The following ATP2B2 variants were observed in gnomAD, a reference collection of about 807,000 sequenced individuals.
The protein encoded by ATP2B2 is ATPase plasma membrane Ca2+ transporting 2.
A neutral mutation model predicts 120.0 loss-of-function variants in ATP2B2; 15 were observed. The observed-to-expected ratio is 0.12, with a 90% confidence interval of 0.08 to 0.19. The LOEUF is 0.19. Ranked by LOEUF, ATP2B2 falls within the 10% of genes least tolerant of loss-of-function variation. The probability of loss-of-function intolerance (pLI) is 1.00; values close to 1 mark genes in which losing one functional copy is unlikely to be tolerated. For synonymous variants in ATP2B2, 694 were observed against 700.3 expected (o/e 0.99, Z 0.14); for missense variants, 1,045 against 1,719.8 (o/e 0.61, Z 6.94).
chr3:10,578,186 G>A (rs924269597), intron 2 of ATP2B2, among the ~76,000 whole-genome samples: 1 of 152,172 alleles, frequency 6.6e-6, no homozygotes, highest in Non-Finnish European at 1.5e-5. Context: ...GAAACATGGA[G>A]CAACAGAGGC....
chr3:10,611,569 G>C (rs191877139), intron 2 of ATP2B2, among the ~76,000 whole-genome samples: 3 of 152,258 alleles, frequency 2.0e-5, no homozygotes, highest in Non-Finnish European at 2.9e-5. Flanking sequence ...GTGCTTGGGG[G>C]GCACTGGGTC....
Position 10,419,265 on chromosome 3 carries a change from GGACA to G in ATP2B2, c.200-8454_200-8451del, listed in dbSNP as rs550585282. On this transcript the variant is annotated intron_variant, in intron 2 of 22. Coordinates refer to ENST00000360273, the MANE Select transcript of ATP2B2 (RefSeq NM_001001331.4). ...CTGTAAGAGCCACTTAATGGACTTGGGACAGACAGACAATGCCTCTGTGGGAAAA... is the reference window on the plus strand; with the variant it reads ...CTGTAAGAGCCACTTAATGGACTTGGGACAGACAATGCCTCTGTGGGAAAA... Among the ~76,000 whole-genome samples the G allele has an allele frequency of 3.3e-5, 5 of 152,318 alleles. No homozygotes were observed. In the South Asian group the frequency reaches 8.3e-4, roughly 25 times the overall value.
chr3:10,482,963 G>T (rs2065473409), intron 1 of ATP2B2, among the ~76,000 whole-genome samples: 1 of 152,226 alleles, frequency 6.6e-6, no homozygotes, highest in South Asian at 2.1e-4. Flanking sequence ...AACCCGTGCA[G>T]CAGGCACTGT....
In ATP2B2 at chr3:10,343,161, C is replaced by A. The variant is rs1033018652; in HGVS notation, c.2704-196G>T. On this transcript the variant is annotated intron_variant, in intron 18 of 22. Coordinates refer to ENST00000360273, the MANE Select transcript of ATP2B2 (RefSeq NM_001001331.4). The surrounding 1 kb of genome is among the most constrained non-coding windows in gnomAD (Gnocchi z 4.2). ...AGTGCAGACCTGCCCACCTCAGCCA[C>A]ATCTTCCCTGCCAGGAGATAAGTGA... Among the ~76,000 whole-genome samples, 9 of 152,202 alleles carry A rather than the reference C, an allele frequency of 5.9e-5. No individual in the cohort carries two copies. Among genetic ancestry groups the A allele is most frequent in the Non-Finnish European group, 1.0e-4 (7 of 68,030 alleles).
chr3:10,628,161 G>A (rs1461846406), intron 1 of ATP2B2, among the ~76,000 whole-genome samples: 3 of 152,222 alleles, frequency 2.0e-5, no homozygotes, highest in East Asian at 1.9e-4. Context: ...GCAGAGGCCC[G>A]ACAACCCAGG....
chr3:10,382,576 C>G (rs995792817), intron 8 of ATP2B2, among the ~76,000 whole-genome samples: 1 of 150,644 alleles, frequency 6.6e-6, no homozygotes, highest in African/African-American at 2.5e-5. Flanking sequence ...AGGCTGGTCT[C>G]CAACTCCTGA....
At chr3:10,452,306 G>T (rs950101226) in intron 1 of ATP2B2, among the ~76,000 whole-genome samples, 1 of 152,200 alleles carries the variant, frequency 6.6e-6, no homozygotes, top group African/African-American at 2.4e-5. Context: ...GGTTTGGGCC[G>T]AATGCTCTCC....
Position 10,511,265 on chromosome 3 carries a change from C to T in ATP2B2, c.-320+22774G>A, listed in dbSNP as rs192303223. Among the ~76,000 whole-genome samples the T allele has an allele frequency of 9.2e-5, 14 of 152,248 alleles. No homozygotes were observed. The East Asian group carries it at 1.4e-3, about 15-fold the overall frequency. On this transcript the variant is annotated intron_variant, in intron 3 of 21. Transcript: ENST00000646379. ...ATGAAGCCTTCCTTGATTTTCCCTCCGTCCCCCTTTTCCCCATGCCCCAAG... is the reference window on the plus strand; with the variant it reads ...ATGAAGCCTTCCTTGATTTTCCCTCTGTCCCCCTTTTCCCCATGCCCCAAG...
intron 1 of ATP2B2, among the ~76,000 whole-genome samples, chr3:10,641,962 A>G (rs2070183344): frequency 7.5e-6 from 1 of 132,618 alleles, no homozygotes; most frequent in South Asian, 2.7e-4. Context: ...TCACTCACCC[A>G]TCCACTCATC....
At chr3:10,477,924 T>C (rs561088312) in intron 1 of ATP2B2, among the ~76,000 whole-genome samples, 22 of 152,354 alleles carry the variant, frequency 1.4e-4, no homozygotes, top group Non-Finnish European at 2.4e-4. Flanking sequence ...TGCTGGATCG[T>C]GGAATAATTC....
chr3:10,582,392 C>A (rs975384423), intron 2 of ATP2B2, among the ~76,000 whole-genome samples: 1 of 152,208 alleles, frequency 6.6e-6, no homozygotes, highest in Non-Finnish European at 1.5e-5. Flanking sequence ...TTCAACAACA[C>A]ACAGGGACAC....
rs1024745377 is a variant in ATP2B2 at position 10,505,574 on chromosome 3, C to T, written c.-429G>A. 1 of 146,620 alleles carries T rather than the reference C, an allele frequency of 6.8e-6. No homozygotes were observed. Among genetic ancestry groups the T allele is most frequent in the Non-Finnish European group, 1.5e-5 (1 of 66,544 alleles). The allele number at this position is 146,620 out of a possible 1,614,324, so 9.1% of individuals were successfully genotyped here. On this transcript the variant is annotated 5_prime_UTR_variant, in exon 1 of 23. Coordinates refer to ENST00000360273, the MANE Select transcript of ATP2B2 (RefSeq NM_001001331.4). Reference sequence around the variant, plus strand: ...GAGCCCAGCCAGCGTGCCCGGGCCCCTCTGCAGACTGTACCATCCTGCCCG... The same window carrying T: ...GAGCCCAGCCAGCGTGCCCGGGCCCTTCTGCAGACTGTACCATCCTGCCCG...
chr3:10,366,429 T>C (rs1270851082), intron 12 of ATP2B2, among the ~76,000 whole-genome samples: 1 of 152,176 alleles, frequency 6.6e-6, no homozygotes, highest in Non-Finnish European at 1.5e-5. Context: ...AGGAAAACCA[T>C]CCTGCAGGGG....
intron 8 of ATP2B2, among the ~76,000 whole-genome samples, chr3:10,384,699 C>T (rs745415685): frequency 5.9e-5 from 9 of 152,272 alleles, no homozygotes; most frequent in East Asian, 3.9e-4. Context: ...GAACCAGGCC[C>T]GAGCCCAAGC....
intron 1 of ATP2B2, among the ~76,000 whole-genome samples, chr3:10,633,846 A>G (rs1238267587): frequency 6.6e-6 from 1 of 152,142 alleles, no homozygotes; most frequent in Non-Finnish European, 1.5e-5. Flanking sequence ...TCTCCTCCCC[A>G]TTCTCCATGC....
Position 10,343,323 on chromosome 3 carries a change from C to T in ATP2B2, c.2704-358G>A, listed in dbSNP as rs181806620. ...AGGCCAAGACCATTCCCACCGCCTCCGGCATGGGCTCCTACCTCCTCCCCC... is the reference window on the plus strand; with the variant it reads ...AGGCCAAGACCATTCCCACCGCCTCTGGCATGGGCTCCTACCTCCTCCCCC... On this transcript the variant is annotated intron_variant, in intron 18 of 22. Transcript: ENST00000360273. This position sits in a 1 kb window ranked among gnomAD's most constrained non-coding sequence, Gnocchi z 4.2. Among the ~76,000 whole-genome samples, 134 of 152,146 alleles carry T rather than the reference C, an allele frequency of 8.8e-4. No individual in the cohort carries two copies. The highest frequency in any genetic ancestry group is 2.7e-3 in the African/African-American group (110 of 41,506).
chr3:10,411,120 G>A (rs1287759693), intron 2 of ATP2B2, among the ~76,000 whole-genome samples: 2 of 152,174 alleles, frequency 1.3e-5, no homozygotes, highest in Non-Finnish European at 2.9e-5. Flanking sequence ...ATCACGATGA[G>A]AGCATCCAGG....
chr3:10,481,454 A>G (rs1042531668), intron 1 of ATP2B2, among the ~76,000 whole-genome samples: 1 of 151,598 alleles, frequency 6.6e-6, no homozygotes, highest in Non-Finnish European at 1.5e-5. Flanking sequence ...CTCAAATGGC[A>G]CCTCCTCAGA....
intron 1 of ATP2B2, among the ~76,000 whole-genome samples, chr3:10,648,408 A>G (rs2070374374): frequency 6.6e-6 from 1 of 152,112 alleles, no homozygotes; most frequent in African/African-American, 2.4e-5. Context: ...TCCCAGCATC[A>G]ATGTGGGAGG....
Sources: allele counts gnomAD v4.1 joint callset (sites outside exome capture counted in the v4.1 genomes callset), GRCh38; gene constraint gnomAD v4.1.1; non-coding constraint Gnocchi (gnomAD v3.1); transcripts MANE v1.5; gene names NCBI Gene and HGNC (gene_info 2026-07-23, HGNC 2026-07-21).